Variants in PCDHA11 observed in about 807,000 individuals in gnomAD.
The protein encoded by PCDHA11 is protocadherin alpha 11.
PCDHA11 carries 61 observed loss-of-function variants against 70.3 expected under a neutral mutation model. The ratio of observed to expected loss-of-function variants is 0.87; its 90% CI spans 0.71 to 1.07. PCDHA11 has a LOEUF of 1.07. Among genes scored for constraint, PCDHA11 ranks in the 50% least tolerant of loss-of-function variants. The pLI is 0.00. For missense variants in PCDHA11, 1,324 were observed against 1,237.5 expected (o/e 1.07, Z -1.05); for synonymous variants, 633 against 555.1 (o/e 1.14, Z -1.97).
intron 1 of PCDHA11, among the ~76,000 whole-genome samples, chr5:140,914,820 C>T (rs1277610128): frequency 6.6e-6 from 1 of 151,970 alleles, no homozygotes; most frequent in African/African-American, 2.4e-5. Flanking sequence ...TAACAGACTG[C>T]ATAAACAAAA....
intron 3 of PCDHA11, among the ~76,000 whole-genome samples, chr5:140,985,909 T>C (rs1421545707): frequency 6.6e-6 from 1 of 151,912 alleles, no homozygotes; most frequent in Non-Finnish European, 1.5e-5. Flanking sequence ...CCGTCTAATT[T>C]TTTGTATTTT....
Position 141,010,476 on chromosome 5 carries a change from G to T in PCDHA11, c.*539G>T. ...GAAGTTATCAGTATGGAGGGGAAGT[G>T]TAAACTTAAAGGGACCAGACTTTCT... is the stretch of plus-strand genomic sequence containing the variant. On this transcript the variant is annotated 3_prime_UTR_variant, in exon 4 of 4. Coordinates refer to ENST00000398640, the MANE Select transcript of PCDHA11 (RefSeq NM_018902.5). 1.3e-6 allele frequency: 1 copy of T among 752,476 alleles called. No individual in the cohort carries two copies. Among genetic ancestry groups the T allele is most frequent in the Non-Finnish European group, 2.0e-6 (1 of 499,640 alleles). The allele number at this position is 752,476 out of a possible 1,614,324, so 46.6% of individuals were successfully genotyped here. A position where few individuals can be genotyped will look rare whatever the true frequency, so the allele number is the denominator to read the frequency against.
intron 1 of PCDHA11, chr5:140,876,694 G>A (rs1196941664): frequency 6.2e-7 from 1 of 1,614,142 alleles, no homozygotes; most frequent in African/African-American, 1.3e-5. Flanking sequence ...CTACTCGTTG[G>A]TGCTGGACAG....
At chr5:140,913,867 T>G (rs1554196087) in intron 1 of PCDHA11, among the ~76,000 whole-genome samples, 2 of 152,234 alleles carry the variant, frequency 1.3e-5, no homozygotes. Flanking sequence ...TTGTTTAATT[T>G]CCATGTGTTC....
At chr5:140,881,425 G>A (rs2058709101) in intron 1 of PCDHA11, 2 of 901,294 alleles carry the variant, frequency 2.2e-6, no homozygotes, top group Non-Finnish European at 1.3e-6. Flanking sequence ...TTAGTTCCAG[G>A]CATATTTTAT....
At chr5:140,952,445 G>A (rs1187543872) in intron 1 of PCDHA11, among the ~76,000 whole-genome samples, 1 of 152,002 alleles carries the variant, frequency 6.6e-6, no homozygotes, top group Non-Finnish European at 1.5e-5. Flanking sequence ...GCATAATACA[G>A]CCAGGCTCTT....
chr5:140,995,113 A>G (rs560699104), intron 3 of PCDHA11, among the ~76,000 whole-genome samples: 68 of 152,252 alleles, frequency 4.5e-4, no homozygotes, highest in Non-Finnish European at 8.4e-4. Flanking sequence ...CAAGACCCTC[A>G]GTGGATGCCT....
chr5:140,882,169 C>A, intron 1 of PCDHA11: 1 of 1,511,484 alleles, frequency 6.6e-7, no homozygotes, highest in Non-Finnish European at 8.8e-7. Flanking sequence ...TCTTGCGAAT[C>A]CTTCCGCACT....
At chr5:140,887,241 C>T (rs1215011038) in intron 1 of PCDHA11, among the ~76,000 whole-genome samples, 2 of 151,912 alleles carry the variant, frequency 1.3e-5, no homozygotes, top group African/African-American at 2.4e-5. Flanking sequence ...AGACTACCGG[C>T]GCCCGCCACC....
At chr5:140,873,725 A>G (rs1235492447) in intron 1 of PCDHA11, among the ~76,000 whole-genome samples, 7 of 152,112 alleles carry the variant, frequency 4.6e-5, no homozygotes, top group Non-Finnish European at 7.4e-5. Context: ...CAGTGGCGCA[A>G]TCTCAGCTCA....
intron 1 of PCDHA11, among the ~76,000 whole-genome samples, chr5:140,871,851 A>G (rs561924103): frequency 6.6e-6 from 1 of 152,382 alleles, no homozygotes; most frequent in East Asian, 1.9e-4. Flanking sequence ...AATTATGACC[A>G]TAATAACTAT....
chr5:140,916,210 A>G, intron 1 of PCDHA11, among the ~76,000 whole-genome samples: 1 of 152,210 alleles, frequency 6.6e-6, no homozygotes, highest in East Asian at 1.9e-4. Context: ...GCCCTGGGGA[A>G]GATCCAAATA....
rs782058694 is a variant in PCDHA11 at position 140,883,215 on chromosome 5, A to G, written c.2391+11721A>G. On this transcript the variant is annotated intron_variant, in intron 1 of 3. Coordinates refer to ENST00000398640, the MANE Select transcript of PCDHA11 (RefSeq NM_018902.5). ...CTAGATTTCGAAGAAAAGAAATTAT[A>G]TGAAATATCCGTGGAGGCAGTTGAC... 2.5e-6 allele frequency: 4 copies of G among 1,613,954 alleles called. No individual in the cohort carries two copies. Among genetic ancestry groups the G allele is most frequent in the Non-Finnish European group, 3.4e-6 (4 of 1,180,034 alleles).
chr5:141,004,806 T>C (rs1326385428), intron 3 of PCDHA11, among the ~76,000 whole-genome samples: 1 of 152,196 alleles, frequency 6.6e-6, no homozygotes, highest in Non-Finnish European at 1.5e-5. Flanking sequence ...CTGAGCTCAA[T>C]TGCAGATTTG....
At chr5:140,940,470 A>AT (rs201096499) in intron 1 of PCDHA11, among the ~76,000 whole-genome samples, 9 of 149,600 alleles carry the variant, frequency 6.0e-5, no homozygotes, top group East Asian at 5.9e-4. Context: ...GTTCCCTGCA[A>AT]TTTTTTTTTT....
rs1388213173 is a variant in PCDHA11 at position 140,870,579 on chromosome 5, G to T, written c.1476G>T (p.Ser492=). The part of the protein sequence containing the change: ...DAQENALVSY[S]LVERRLGDRA... ...AGGAGAACGCGCTGGTGTCCTACTC[G>T]CTGGTGGAGCGGCGGTTGGGCGACC... is the stretch of plus-strand genomic sequence containing the variant. The change falls in exon 1 of 4, where the codon TCG becomes TCT. Residue 492 remains serine, a synonymous_variant. Transcript: ENST00000398640. 2.5e-6 allele frequency: 4 copies of T among 1,613,744 alleles called. No homozygotes were observed. The highest frequency in any genetic ancestry group is 1.7e-5 in the Admixed American group (1 of 59,992).
intron 1 of PCDHA11, chr5:140,883,596 TG>T (rs1562791192): frequency 7.4e-6 from 12 of 1,613,794 alleles, no homozygotes; most frequent in Non-Finnish European, 1.0e-5. Context: ...AGCGTGTCGG[TG>T]GGGGTGGCCG....
chr5:140,885,516 T>C (rs1235698672), intron 1 of PCDHA11, among the ~76,000 whole-genome samples: 1 of 152,198 alleles, frequency 6.6e-6, no homozygotes, highest in South Asian at 2.1e-4. Context: ...TGCTGTGCTA[T>C]CATTTCATAT....
rs57893927 is a variant in PCDHA11 at position 140,946,631 on chromosome 5, T to TATATATAC, written c.2392-32317_2392-32316insTATATACA. Among the ~76,000 whole-genome samples the TATATATAC allele has an allele frequency of 9.9e-4, 130 of 131,716 alleles. 1 individual carries two copies. The highest frequency in any genetic ancestry group is 2.9e-3 in the East Asian group (14 of 4,862). 86.4% of individuals were successfully genotyped at this position (131,716 alleles called of 152,430 possible). A position where few individuals can be genotyped will look rare whatever the true frequency, so the allele number is the denominator to read the frequency against. ...TGTGAAATATATATATATATATATA[T>TATATATAC]ACAATGGAATACTCATCAGCCATTA... On this transcript the variant is annotated intron_variant, in intron 1 of 3. Coordinates refer to ENST00000398640, the MANE Select transcript of PCDHA11 (RefSeq NM_018902.5).
Sources: allele counts gnomAD v4.1 joint callset (sites outside exome capture counted in the v4.1 genomes callset), GRCh38; gene constraint gnomAD v4.1.1; transcripts MANE v1.5; gene names NCBI Gene and HGNC (gene_info 2026-07-23, HGNC 2026-07-21).